Variants in NOTCH3 observed in about 807,000 individuals in gnomAD.
NOTCH3 encodes the protein notch receptor 3.
NOTCH3 carries 86 observed loss-of-function variants against 213.3 expected under a neutral mutation model. That is an observed-to-expected ratio of 0.40 (90% CI 0.34 to 0.48). NOTCH3 has a LOEUF of 0.48. Ranked by LOEUF, NOTCH3 falls within the 20% of genes least tolerant of loss-of-function variation. The pLI, the probability that NOTCH3 is intolerant of heterozygous loss-of-function variation, is 0.57. For missense variants in NOTCH3, 2,783 were observed against 3,272.6 expected, an observed-to-expected ratio of 0.85 and a Z score of 3.65; for synonymous variants, 1,354 against 1,355.9, an observed-to-expected ratio of 1.00 and a Z score of 0.03.
At position 15,161,526 on chromosome 19, in the gene NOTCH3, G is replaced by A. The variant is rs114887570; in HGVS notation, c.6102C>T (p.Pro2034=). Residue 2034 remains proline (P), a synonymous_variant, in exon 33 of 33, where the codon CCC becomes CCT. Transcript: ENST00000263388. ...LDQPSGPRSP[P]GPHGLGPLLC... is the part of the protein sequence containing the mutation. Reference sequence around the variant, plus strand: ...GCAGAGGCCCCAGGCCGTGGGGACCGGGGGGGCTGCGGGGCCCACTGGGTT... The same window carrying A: ...GCAGAGGCCCCAGGCCGTGGGGACCAGGGGGGCTGCGGGGCCCACTGGGTT... The A allele has an allele frequency of 2.8e-3, 4,550 of 1,598,394 alleles. 114 individuals are homozygous for A. In the African/African-American group the frequency reaches 0.055, roughly 19 times the overall value.
Position 15,191,501 on chromosome 19 carries a change from G to T in NOTCH3, c.959C>A (p.Thr320Lys), listed in dbSNP as rs777558458. 13 of 1,613,254 alleles carry T rather than the reference G, an allele frequency of 8.1e-6. No individual in the cohort carries two copies. In the South Asian group the frequency reaches 1.4e-4, roughly 18 times the overall value. ...GGTGGCCCCATGGAAGCACACGGCT[G>T]TGGCACAGTCATCGATATTCTGACT... ...SCSQNIDDCA[T>K]AVCFHGATCH... The change falls in exon 6 of 33, where the codon ACA (threonine) becomes AAA (lysine). Residue 320 changes from threonine (T) to lysine (K), a missense_variant. By Grantham distance (78) the Thr-to-Lys change is moderately conservative (BLOSUM62 -1). This residue lies in a region of NOTCH3 where 708 missense variants were observed against 906.6 expected (regional missense o/e 0.78). Transcript: ENST00000263388.
chr19:15,179,119 C>T lies in NOTCH3; in HGVS notation c.3624G>A (p.Glu1208=), dbSNP rs764421046. ...TGLRCEADIN[E]CRSGACHAAH... ...CCGCGTGGCAGGCACCTGAGCGACA[C>T]TCATTGATGTCTGCCTCGCAGCGCA... is the stretch of plus-strand genomic sequence containing the variant. The change falls in exon 22 of 33, where the codon GAG becomes GAA. Residue 1208 remains glutamate, a synonymous_variant. Transcript: ENST00000263388. 3 of 1,614,102 alleles carry T rather than the reference C, an allele frequency of 1.9e-6. No homozygotes were observed. The African/African-American group carries it at 4.0e-5, about 22-fold the overall frequency.
intron 6 of NOTCH3, 145 bp from the exon 7 acceptor site, chr19:15,189,573 C>A (rs181670134): frequency 1.0e-6 from 1 of 963,822 alleles, no homozygotes; most frequent in Non-Finnish European, 1.6e-6. Context: ...AGCTGGAGTA[C>A]AATAGCGCGA....
At chr19:15,183,125 G>C (rs1437816181) in intron 16 of NOTCH3, among the ~76,000 whole-genome samples, 1 of 152,056 alleles carries the variant, frequency 6.6e-6, no homozygotes, top group African/African-American at 2.4e-5. Flanking sequence ...CATGTAGTGA[G>C]TGCCTGTAAT....
chr19:15,198,524 G>A (rs1346235576), intron 1 of NOTCH3, among the ~76,000 whole-genome samples: 1 of 152,214 alleles, frequency 6.6e-6, no homozygotes, highest in Non-Finnish European at 1.5e-5. Flanking sequence ...GCCGAGGCTG[G>A]TGGATCACCT....
At chr19:15,170,268 A>G (rs1005198014) in intron 27 of NOTCH3, 63 bp downstream of exon 27, 11 of 1,547,174 alleles carry the variant, frequency 7.1e-6, no homozygotes, top group Non-Finnish European at 8.0e-6. Flanking sequence ...AGTCAGGTCA[A>G]GGCGGGGTCC....
At chr19:15,170,959 T>C in intron 25 of NOTCH3, 134 bp from the exon 26 acceptor site, 1 of 913,026 alleles carries the variant, frequency 1.1e-6, no homozygotes, top group Non-Finnish European at 1.7e-6. Flanking sequence ...ATGGCCCACC[T>C]GCATCCACCT....
At chr19:15,179,743 G>C in intron 20 of NOTCH3, 1 of 590,988 alleles carries the variant, frequency 1.7e-6, no homozygotes, top group South Asian at 2.0e-5. Context: ...TTAGCTGGGC[G>C]TGGTGGTGGG....
At chr19:15,169,808 G>T (rs2046715785) in intron 28 of NOTCH3, among the ~76,000 whole-genome samples, 1 of 152,178 alleles carries the variant, frequency 6.6e-6, no homozygotes, top group Non-Finnish European at 1.5e-5. Flanking sequence ...GGCTGGCCAG[G>T]AAGCAGGATC....
Position 15,192,000 on chromosome 19 carries a change from C to T in NOTCH3, c.639G>A (p.Arg213=), listed in dbSNP as rs747766354. The T allele has an allele frequency of 1.2e-6, 2 of 1,613,378 alleles. No homozygotes were observed. The highest frequency in any genetic ancestry group is 1.6e-4 in the Middle Eastern group (1 of 6,062). ...PSPCRNGGTC[R]QSGDLTYDCA... is the part of the protein sequence containing the mutation. ...AGTCGTAAGTGAGGTCGCCACTCTG[C>T]CTGCAGGTGCCCCCGTTACGGCATG... Residue 213 remains arginine (R), a synonymous_variant, in exon 4 of 33, where the codon AGG becomes AGA. Coordinates refer to ENST00000263388, the MANE Select transcript of NOTCH3 (RefSeq NM_000435.3).
Position 15,165,698 on chromosome 19 carries a change from A to G in NOTCH3, c.5667+89T>C, listed in dbSNP as rs2046680012. On this transcript the variant is annotated intron_variant, in intron 30 of 32. Coordinates refer to ENST00000263388, the MANE Select transcript of NOTCH3 (RefSeq NM_000435.3). The surrounding 1 kb of genome is among the most constrained non-coding windows in gnomAD (Gnocchi z 4.7). ...ATCCCCATTTTCCAAATGAGAAAAA[A>G]TGAGTCTGAAAGGCAGAACTGGGGC... 9 of 1,498,324 alleles carry G rather than the reference A, an allele frequency of 6.0e-6. No individual in the cohort carries two copies. Among genetic ancestry groups the G allele is most frequent in the Admixed American group, 1.8e-5 (1 of 56,222 alleles). The allele number at this position is 1,498,324 out of a possible 1,614,324, so 92.8% of individuals were successfully genotyped here.
chr19:15,181,488 C>T (rs917065945), intron 17 of NOTCH3, 88 bp downstream of exon 17: 2 of 1,113,072 alleles, frequency 1.8e-6, no homozygotes, highest in South Asian at 1.4e-5. Context: ...GAGGACTCCC[C>T]CAAGTCGTTG....
At position 15,170,893 on chromosome 19, in the gene NOTCH3, CCA is replaced by C; in HGVS notation, c.4737-70_4737-69del. ...CCGATGCACCCCCTGGTACCAAGCC[CCA>C]CTTTCCCTCCCCAGCGCCTGGCTCT... On this transcript the variant is annotated intron_variant, in intron 25 of 32. Coordinates refer to ENST00000263388, the MANE Select transcript of NOTCH3 (RefSeq NM_000435.3). 3.9e-6 allele frequency: 6 copies of C among 1,556,024 alleles called. No homozygotes were observed. In the Admixed American group the frequency reaches 5.4e-5, roughly 14 times the overall value.
intron 1 of NOTCH3, among the ~76,000 whole-genome samples, chr19:15,198,916 AAAAG>A (rs1382538560): frequency 2.0e-5 from 3 of 152,184 alleles, no homozygotes; most frequent in East Asian, 1.9e-4. Flanking sequence ...TCAAAAAAAA[AAAAG>A]AGAGAGAGAA....
chr19:15,190,714 T>G (rs555867063), intron 6 of NOTCH3, among the ~76,000 whole-genome samples: 26 of 152,172 alleles, frequency 1.7e-4, no homozygotes, highest in African/African-American at 6.0e-4. Flanking sequence ...GCATCCAGAG[T>G]AGCTGGGACT....
At chr19:15,190,408 T>C (rs2046918044) in intron 6 of NOTCH3, among the ~76,000 whole-genome samples, 1 of 152,232 alleles carries the variant, frequency 6.6e-6, no homozygotes, top group Non-Finnish European at 1.5e-5. Context: ...TCTTTCTATA[T>C]CCACGTTCCC....
rs1323608032 is a variant in NOTCH3, at chr19:15,189,109, C to A, written c.1258G>T (p.Gly420Cys). The A allele has an allele frequency of 1.9e-6, 3 of 1,613,182 alleles. No homozygotes were observed. Among genetic ancestry groups the A allele is most frequent in the Non-Finnish European group, 2.5e-6 (3 of 1,180,042 alleles). ...NTQGSFLCQC[G>C]RGYTGPRCET... Reference sequence around the variant, plus strand: ...CAGCGAGGTCCAGTGTAGCCACGACCGCACTGGCACAGGAAGGAGCCCTGC... The same window carrying A: ...CAGCGAGGTCCAGTGTAGCCACGACAGCACTGGCACAGGAAGGAGCCCTGC... The change falls in exon 8 of 33, where the codon GGT becomes TGT. Residue 420 changes from glycine (G) to cysteine (C), a missense_variant. Around this residue, in one of 6 missense-constraint regions of NOTCH3, gnomAD observed 708 missense variants for 906.6 expected, o/e 0.78. Coordinates refer to ENST00000263388, the MANE Select transcript of NOTCH3 (RefSeq NM_000435.3).
Position 15,160,517 on chromosome 19 carries a change from G to T in NOTCH3, c.*145C>A. 3 of 780,744 alleles carry T rather than the reference G, an allele frequency of 3.8e-6. No homozygotes were observed. The South Asian group carries it at 4.2e-5, about 11-fold the overall frequency. 48.4% of individuals were successfully genotyped at this position (780,744 alleles called of 1,614,324 possible). ...AAGCCCTGGGCTGATGACCTATCTC[G>T]GTCACGCTGCAAGGCAAGGATGCAG... On this transcript the variant is annotated 3_prime_UTR_variant, in exon 33 of 33. Transcript: ENST00000263388.
intron 24 of NOTCH3, among the ~76,000 whole-genome samples, chr19:15,175,590 T>TACACACACAC (rs1555727085): frequency 9.3e-6 from 1 of 107,134 alleles, no homozygotes; most frequent in African/African-American, 3.6e-5. Flanking sequence ...TATATGTATA[T>TACACACACAC]ACACACACAC....
Sources: gnomAD v4.1 joint callset for allele counts (sites outside exome capture counted in the v4.1 genomes callset) on GRCh38, gnomAD v4.1.1 for gene constraint, gnomAD v4.1.1 regional missense constraint, Gnocchi (gnomAD v3.1) non-coding constraint, MANE v1.5 for transcripts, NCBI Gene and HGNC (gene_info 2026-07-23, HGNC 2026-07-21) for gene names.